STEAP1: variants seen among roughly 807,000 people sequenced by gnomAD.
The protein encoded by STEAP1 is STEAP family member 1, also known as STEAP1 protein.
A neutral mutation model predicts 34.4 loss-of-function variants in STEAP1; 30 were observed. The ratio of observed to expected loss-of-function variants is 0.87; its 90% CI spans 0.65 to 1.18. The LOEUF (loss-of-function observed/expected upper bound fraction) is 1.18. Ranked by LOEUF, STEAP1 falls within the 50% of genes most tolerant of loss-of-function variation. STEAP1 has a pLI of 0.00. For synonymous variants in STEAP1, 116 were observed against 135.3 expected (o/e 0.86, Z 0.99); for missense variants, 318 against 391.1 (o/e 0.81, Z 1.58).
At chr7:90,158,120 A>G (rs1794137452) in intron 1 of STEAP1, among the ~76,000 whole-genome samples, 1 of 152,218 alleles carries the variant, frequency 6.6e-6, no homozygotes, top group South Asian at 2.1e-4. Flanking sequence ...GTATATTTGT[A>G]CAGGACGCTT....
chr7:90,162,627 C>G (rs1208953452), intron 4 of STEAP1, among the ~76,000 whole-genome samples: 4 of 152,150 alleles, frequency 2.6e-5, no homozygotes, highest in African/African-American at 9.7e-5. Flanking sequence ...CCACACTCAG[C>G]CTGCTCTTTC....
Position 90,160,970 on chromosome 7 carries a change from C to G in STEAP1, c.250C>G (p.Leu84Val), listed in dbSNP as rs773941822. Residue 84 changes from leucine (L) to valine (V), a missense_variant, in exon 3 of 5, where the codon CTG (leucine) becomes GTG (valine). By Grantham distance (32) the Leu-to-Val change is conservative. Coordinates refer to ENST00000297205, the MANE Select transcript of STEAP1 (RefSeq NM_012449.3). Reference protein sequence around the residue: ...PIKIAAIIASLTFLYTLLREV... With the variant: ...PIKIAAIIASVTFLYTLLREV... ...TAAAATAGCTGCTATTATAGCATCT[C>G]TGACTTTTCTTTACACTCTTCTGAG... 6.2e-7 allele frequency: 1 copy of G among 1,614,002 alleles called. No homozygotes were observed. The highest frequency in any genetic ancestry group is 8.5e-7 in the Non-Finnish European group (1 of 1,179,870).
rs1039635015 is a variant in STEAP1, at chr7:90,162,708, T to C, written c.762+630T>C. 4.6e-5 allele frequency among the ~76,000 whole-genome samples: 7 copies of C among 152,280 alleles called. No individual in the cohort carries two copies. In the East Asian group the frequency reaches 1.3e-3, roughly 29 times the overall value. On this transcript the variant is annotated intron_variant, in intron 4 of 4. Coordinates refer to ENST00000297205, the MANE Select transcript of STEAP1 (RefSeq NM_012449.3). ...TATTTTAGGAATCCAATATGCATGG[T>C]TTATTATTTCTTAAAAAAAATATTC... is the stretch of plus-strand genomic sequence containing the variant.
At chr7:90,157,217 A>C (rs1334676481) in intron 1 of STEAP1, among the ~76,000 whole-genome samples, 2 of 152,188 alleles carry the variant, frequency 1.3e-5, no homozygotes, top group African/African-American at 4.8e-5. Context: ...TAACTGAAAA[A>C]TTCAGGATCT....
chr7:90,157,100 T>TA (rs1364872006), intron 1 of STEAP1, among the ~76,000 whole-genome samples: 1 of 152,116 alleles, frequency 6.6e-6, no homozygotes, highest in Non-Finnish European at 1.5e-5. Flanking sequence ...GGTTCATAAA[T>TA]ACTTGATGAT....
chr7:90,162,129 A>G lies in STEAP1; in HGVS notation c.762+51A>G, dbSNP rs769890190. 2.4e-5 allele frequency: 37 copies of G among 1,532,188 alleles called. No individual in the cohort carries two copies. The African/African-American group carries it at 4.5e-4, about 19-fold the overall frequency. The allele number at this position is 1,532,188 out of a possible 1,614,324, so 94.9% of individuals were successfully genotyped here. The stretch of plus-strand genomic sequence containing the variant: ...AGAGGTAAATCTTCTTTTTGTGTTT[A>G]TGATATAGAATATGTTGACTTTACC... On this transcript the variant is annotated intron_variant, in intron 4 of 4. Coordinates refer to ENST00000297205, the MANE Select transcript of STEAP1 (RefSeq NM_012449.3).
intron 4 of STEAP1, among the ~76,000 whole-genome samples, 159 bp from the exon 5 acceptor site, chr7:90,164,318 C>T (rs957872599): frequency 6.6e-6 from 1 of 151,860 alleles, no homozygotes; most frequent in Non-Finnish European, 1.5e-5. Flanking sequence ...GGAGGATAGG[C>T]AAAAAGAGTA....
At chr7:90,155,712 A>C (rs1794108916) in intron 1 of STEAP1, among the ~76,000 whole-genome samples, 3 of 152,172 alleles carry the variant, frequency 2.0e-5, no homozygotes, top group Admixed American at 2.0e-4. Context: ...TGTGGGCCAC[A>C]CAGTCAACAA....
rs200490827 is a variant in STEAP1 at position 90,157,356 on chromosome 7, G to GA, written c.-31-2396dup. On this transcript the variant is annotated intron_variant, in intron 1 of 4. Coordinates refer to ENST00000297205, the MANE Select transcript of STEAP1 (RefSeq NM_012449.3). Reference sequence around the variant, plus strand: ...AACATGTTCCTTCTTAGAGCATGGAGAAAAAAGCATGGCAGGCTTATACTG... The same window carrying GA: ...AACATGTTCCTTCTTAGAGCATGGAGAAAAAAAGCATGGCAGGCTTATACTG... 4.3e-3 allele frequency among the ~76,000 whole-genome samples: 652 copies of GA among 152,296 alleles called. 2 individuals carry two copies. The highest frequency in any genetic ancestry group is 7.3e-3 in the Non-Finnish European group (500 of 68,030).
At position 90,160,891 on chromosome 7, in the gene STEAP1, C is replaced by T. The variant is rs1406962851; in HGVS notation, c.171C>T (p.Cys57=). The change falls in exon 3 of 5, where the codon TGC becomes TGT. Residue 57 remains cysteine (C), a synonymous_variant. Transcript: ENST00000297205. ...HQTAHADEFD[C]PSELQHTQEL... is the part of the protein sequence containing the mutation. ...CAGCCCATGCTGATGAATTTGACTG[C>T]CCTTCAGAACTTCAGCACACACAGG... The T allele has an allele frequency of 1.2e-6, 2 of 1,613,992 alleles. No homozygotes were observed. Among genetic ancestry groups the T allele is most frequent in the Admixed American group, 1.7e-5 (1 of 60,020 alleles).
chr7:90,163,959 T>G (rs981427090), intron 4 of STEAP1, among the ~76,000 whole-genome samples: 10 of 152,180 alleles, frequency 6.6e-5, no homozygotes, highest in African/African-American at 2.4e-4. Flanking sequence ...GTGAATCACA[T>G]TAGTCGCCTT....
At chr7:90,158,422 C>T (rs1444153827) in intron 1 of STEAP1, among the ~76,000 whole-genome samples, 1 of 151,944 alleles carries the variant, frequency 6.6e-6, no homozygotes, top group Non-Finnish European at 1.5e-5. Context: ...TATGTACTTA[C>T]TCCTTAAGCT....
Position 90,160,967 on chromosome 7 carries a change from T to G in STEAP1, c.247T>G (p.Ser83Ala). The G allele has an allele frequency of 6.2e-7, 1 of 1,614,012 alleles. No individual in the cohort carries two copies. Among genetic ancestry groups the G allele is most frequent in the Non-Finnish European group, 8.5e-7 (1 of 1,179,866 alleles). ...AATTAAAATAGCTGCTATTATAGCA[T>G]CTCTGACTTTTCTTTACACTCTTCT... ...LPIKIAAIIASLTFLYTLLRE... is the reference protein window; with the variant it reads ...LPIKIAAIIAALTFLYTLLRE... Residue 83 changes from serine (S) to alanine (A), a missense_variant, in exon 3 of 5, where the codon TCT becomes GCT. Coordinates refer to ENST00000297205, the MANE Select transcript of STEAP1 (RefSeq NM_012449.3).
rs1794183080 is a variant in STEAP1, at chr7:90,161,260, G to C, written c.540G>C (p.Leu180=). The C allele has an allele frequency of 6.2e-7, 1 of 1,613,966 alleles. No individual in the cohort carries two copies. Among genetic ancestry groups the C allele is most frequent in the African/African-American group, 1.3e-5 (1 of 74,902 alleles). Residue 180 remains leucine, a synonymous_variant, in exon 3 of 5, where the codon CTG becomes CTC. Transcript: ENST00000297205. ...FFAVLHAIYS[L]SYPMRRSYRY... is the part of the protein sequence containing the mutation. ...CTGTACTGCATGCAATTTATAGTCTGTCTTACCCAATGAGGCGATCCTACA... is the reference window on the plus strand; with the variant it reads ...CTGTACTGCATGCAATTTATAGTCTCTCTTACCCAATGAGGCGATCCTACA...
intron 4 of STEAP1, among the ~76,000 whole-genome samples, chr7:90,163,866 T>G (rs2286252): frequency 0.07 from 10,584 of 152,268 alleles, 536 homozygotes; most frequent in South Asian, 0.16. Flanking sequence ...TTGTTCATAT[T>G]ATTTCCATGT....
chr7:90,157,229 G>A (rs931139831), intron 1 of STEAP1, among the ~76,000 whole-genome samples: 15 of 152,146 alleles, frequency 9.9e-5, no homozygotes, highest in Admixed American at 3.9e-4. Flanking sequence ...TCAGGATCTA[G>A]TCTCAGGGGC....
Position 90,164,591 on chromosome 7 carries a change from A to G in STEAP1, c.877A>G (p.Ile293Val), listed in dbSNP as rs751837235. ...FVWYTPPTFMIAVFLPIVVLI... is the reference protein window; with the variant it reads ...FVWYTPPTFMVAVFLPIVVLI... ...ATGGTATACACCTCCAACTTTTATG[A>G]TAGCTGTTTTCCTTCCAATTGTTGT... The change falls in exon 5 of 5, where the codon ATA becomes GTA. Residue 293 changes from isoleucine (I) to valine (V), a missense_variant. Transcript: ENST00000297205. The G allele has an allele frequency of 3.7e-6, 6 of 1,613,822 alleles. No homozygotes were observed. Among genetic ancestry groups the G allele is most frequent in the African/African-American group, 1.3e-5 (1 of 75,022 alleles).
At chr7:90,160,780 G>T (rs776292370) in intron 2 of STEAP1, 25 bp from the exon 3 acceptor site, 4 of 1,596,576 alleles carry the variant, frequency 2.5e-6, no homozygotes, top group Non-Finnish European at 3.4e-6. Context: ...TCAATTTTAA[G>T]ATGTTAATTT....
intron 4 of STEAP1, chr7:90,162,324 T>A: frequency 2.4e-6 from 1 of 408,756 alleles, no homozygotes; most frequent in Non-Finnish European, 3.7e-6. Context: ...TTGTTTGTTT[T>A]TTGTTTGTTT....
Sources: gnomAD v4.1 joint callset for allele counts (sites outside exome capture counted in the v4.1 genomes callset) on GRCh38, gnomAD v4.1.1 for gene constraint, MANE v1.5 for transcripts, NCBI Gene and HGNC (gene_info 2026-07-23, HGNC 2026-07-21) for gene names.